Variants in SNX16 observed in about 807,000 individuals in gnomAD.
SNX16 encodes the protein sorting nexin-16.
Under a neutral mutation model 36.7 loss-of-function variants are expected in SNX16, and 35 were observed. The observed-to-expected ratio is 0.95, with a 90% CI of 0.73 to 1.27. The LOEUF is 1.27. SNX16 is among the 50% of genes most tolerant of loss of function. SNX16 has a pLI of 0.00. For missense variants in SNX16, 367 were observed against 393.6 expected (o/e 0.93, Z 0.57); for synonymous variants, 134 against 132.0 (o/e 1.02, Z -0.10).
At chr8:81,827,474 A>C (rs370526046) in intron 3 of SNX16, among the ~76,000 whole-genome samples, 1 of 152,262 alleles carries the variant, frequency 6.6e-6, no homozygotes, top group East Asian at 1.9e-4. Flanking sequence ...TTAGTCATTT[A>C]AAAAAATTAA....
At chr8:81,824,405 C>T (rs1177656272) in intron 3 of SNX16, among the ~76,000 whole-genome samples, 3 of 152,050 alleles carry the variant, frequency 2.0e-5, no homozygotes, top group Non-Finnish European at 4.4e-5. Flanking sequence ...CAGATACATG[C>T]ATTACAAATA....
At position 81,819,155 on chromosome 8, in the gene SNX16, T is replaced by C. The variant is rs1039275706; in HGVS notation, c.612-3761A>G. On this transcript the variant is annotated intron_variant, in intron 4 of 7. Coordinates refer to ENST00000345957, the MANE Select transcript of SNX16 (RefSeq NM_152836.3). ...GATAGTGTGAAGACAAATACATAAC[T>C]TTAACTTTTGAATTTCGAAAAATTA... 4.6e-5 allele frequency among the ~76,000 whole-genome samples: 7 copies of C among 152,084 alleles called. No homozygotes were observed. In the East Asian group the frequency reaches 1.3e-3, roughly 29 times the overall value.
intron 5 of SNX16, 40 bp from the exon 6 acceptor site, chr8:81,803,268 AAAG>A (rs1007442226): frequency 9.0e-6 from 14 of 1,560,614 alleles, no homozygotes; most frequent in Non-Finnish European, 1.2e-5. Flanking sequence ...ACATGCAGAA[AAAG>A]AATACAATTA....
In SNX16 at chr8:81,801,270, A is replaced by AT. The variant is rs1019221805; in HGVS notation, c.*226dup. ...GCCTTGATAACAGAATTCCAACAAG[A>AT]TTTTTTTTAGTGTATTAAATGTAAT... On this transcript the variant is annotated 3_prime_UTR_variant, in exon 8 of 8. Transcript: ENST00000345957. 37 of 349,826 alleles carry AT rather than the reference A, an allele frequency of 1.1e-4. No individual in the cohort carries two copies. The highest frequency in any genetic ancestry group is 7.7e-4 in the Middle Eastern group (1 of 1,298). The allele number at this position is 349,826 out of a possible 1,614,324, so 21.7% of individuals were successfully genotyped here.
rs1220226315 is a variant in SNX16, at chr8:81,838,190, A to T, written c.375+1422T>A. ...AATAAATCTAACCAACAGATGTAAG[A>T]ACCCTGCACCAAAAACAACAAAACA... On this transcript the variant is annotated intron_variant, in intron 2 of 7. Transcript: ENST00000345957. Among the ~76,000 whole-genome samples the T allele has an allele frequency of 1.7e-4, 26 of 152,176 alleles. 1 individual carries two copies. The highest frequency in any genetic ancestry group is 1.7e-3 in the Admixed American group (26 of 15,284).
At position 81,836,972 on chromosome 8, in the gene SNX16, C is replaced by A. The variant is rs1050293855; in HGVS notation, c.375+2640G>T. Among the ~76,000 whole-genome samples, 6 of 152,202 alleles carry A rather than the reference C, an allele frequency of 3.9e-5. No homozygotes were observed. The East Asian group carries it at 1.2e-3, about 29-fold the overall frequency. The stretch of plus-strand genomic sequence containing the variant: ...CTCCCACAGCTTACTCTGCTGTCAG[C>A]CACAAGGATCTTTGTAGTTGTCCCA... On this transcript the variant is annotated intron_variant, in intron 2 of 7. Transcript: ENST00000345957.
intron 5 of SNX16, chr8:81,808,584 A>T: frequency 1.0e-6 from 1 of 974,164 alleles, no homozygotes; most frequent in Non-Finnish European, 1.6e-6. Flanking sequence ...TCAGTCTTCA[A>T]ATTTTGGACC....
At chr8:81,830,716 T>C (rs1015740487) in intron 2 of SNX16, among the ~76,000 whole-genome samples, 5 of 151,958 alleles carry the variant, frequency 3.3e-5, no homozygotes, top group African/African-American at 1.2e-4. Context: ...TTCAATGGTA[T>C]TCCTATCGAA....
At chr8:81,839,133 T>C (rs933066566) in intron 2 of SNX16, among the ~76,000 whole-genome samples, 5 of 152,144 alleles carry the variant, frequency 3.3e-5, no homozygotes, top group Non-Finnish European at 7.4e-5. Context: ...GGAACTCTTA[T>C]ATGCTGCTTT....
At chr8:81,827,451 T>C (rs2130726795) in intron 3 of SNX16, among the ~76,000 whole-genome samples, 1 of 152,256 alleles carries the variant, frequency 6.6e-6, no homozygotes, top group African/African-American at 2.4e-5. Context: ...ATTGCTTTTA[T>C]CTTTCGGCTT....
intron 5 of SNX16, among the ~76,000 whole-genome samples, chr8:81,813,900 T>C (rs1051511856): frequency 7.6e-6 from 1 of 131,254 alleles, no homozygotes; most frequent in African/African-American, 2.9e-5. Context: ...AGAATGGCTA[T>C]AATCCAAAAG....
intron 5 of SNX16, among the ~76,000 whole-genome samples, chr8:81,805,789 C>T (rs1389929402): frequency 6.6e-6 from 1 of 151,910 alleles, no homozygotes; most frequent in Admixed American, 6.6e-5. Context: ...GGCGTGGTGG[C>T]GAGGGCCTGT....
chr8:81,816,185 T>C (rs1036906521), intron 4 of SNX16, among the ~76,000 whole-genome samples: 1 of 150,634 alleles, frequency 6.6e-6, no homozygotes, highest in East Asian at 1.9e-4. Context: ...GATTTTCTTT[T>C]TTTTTTTTTT....
chr8:81,819,444 C>A (rs1179258769), intron 4 of SNX16, among the ~76,000 whole-genome samples: 2 of 152,032 alleles, frequency 1.3e-5, no homozygotes, highest in South Asian at 4.1e-4. Context: ...TTTGCAAAGT[C>A]CTTCTTCATC....
intron 3 of SNX16, among the ~76,000 whole-genome samples, chr8:81,827,650 T>C (rs1438179731): frequency 6.6e-6 from 1 of 152,194 alleles, no homozygotes; most frequent in Non-Finnish European, 1.5e-5. Flanking sequence ...ATAAAATAAT[T>C]TAGCATTCCA....
chr8:81,837,419 C>G (rs1811540264), intron 2 of SNX16, among the ~76,000 whole-genome samples: 1 of 152,176 alleles, frequency 6.6e-6, no homozygotes, highest in East Asian at 1.9e-4. Context: ...TCTGTTAGGT[C>G]TGTTATAACA....
At chr8:81,817,264 A>C (rs776873390) in intron 4 of SNX16, among the ~76,000 whole-genome samples, 12 of 152,212 alleles carry the variant, frequency 7.9e-5, no homozygotes, top group Non-Finnish European at 1.8e-4. Context: ...TTTTATGTTT[A>C]CAAATTACTC....
intron 5 of SNX16, chr8:81,807,855 G>A (rs1186950994): frequency 3.9e-6 from 3 of 763,512 alleles, no homozygotes; most frequent in East Asian, 2.4e-5. Flanking sequence ...CAATTGATGA[G>A]AGCCTGAGGA....
Position 81,803,228 on chromosome 8 carries a change from C to A in SNX16, c.682G>T (p.Ala228Ser), listed in dbSNP as rs1435701289. 9 of 1,590,236 alleles carry A rather than the reference C, an allele frequency of 5.7e-6. No homozygotes were observed. Among genetic ancestry groups the A allele is most frequent in the Non-Finnish European group, 7.7e-6 (9 of 1,172,826 alleles). ...GPFDSLEESR[A>S]FCETLEETNY... ...GTCTCTTCTAAAGTTTCACAGAATG[C>A]CTTAAAAAAAACAACAAACAAAACT... Residue 228 changes from alanine (A) to serine (S), a missense_variant and splice_region_variant, in exon 6 of 8, where the codon GCA becomes TCA. Physicochemically the swap from Ala to Ser is moderately conservative, Grantham distance 99. Coordinates refer to ENST00000345957, the MANE Select transcript of SNX16 (RefSeq NM_152836.3).
Sources: allele counts gnomAD v4.1 joint callset (sites outside exome capture counted in the v4.1 genomes callset), GRCh38; gene constraint gnomAD v4.1.1; transcripts MANE v1.5; gene names NCBI Gene and HGNC (gene_info 2026-07-23, HGNC 2026-07-21).